Variants in ABCC6 observed in about 807,000 individuals in gnomAD.
The protein encoded by ABCC6 is ATP-binding cassette sub-family C member 6.
In ABCC6, 126 loss-of-function variants were observed where a neutral mutation model predicts 169.5. The observed-to-expected ratio is 0.74, with a 90% confidence interval of 0.64 to 0.86. The LOEUF (loss-of-function observed/expected upper bound fraction) is 0.86, where lower values mean the gene tolerates loss of function less well. ABCC6 is among the 40% of genes least tolerant of loss of function. ABCC6 has a pLI of 0.00. For missense variants in ABCC6, 1,733 were observed against 1,927.2 expected, an observed-to-expected ratio of 0.90 and a Z score of 1.89; for synonymous variants, 752 against 814.7, an observed-to-expected ratio of 0.92 and a Z score of 1.31.
At chr16:16,174,922 G>A (rs1240843208) in intron 20 of ABCC6, among the ~76,000 whole-genome samples, 1 of 150,938 alleles carries the variant, frequency 6.6e-6, no homozygotes, top group Non-Finnish European at 1.5e-5. Context: ...CACCACGCCG[G>A]CTTTTTTTTT....
intron 9 of ABCC6, among the ~76,000 whole-genome samples, chr16:16,201,645 T>G (rs1484275309): frequency 6.6e-6 from 1 of 152,082 alleles, no homozygotes; most frequent in East Asian, 1.9e-4. Context: ...CTGACCAACA[T>G]GGCAAAACCT....
chr16:16,183,148 G>A (rs914897256), intron 15 of ABCC6, among the ~76,000 whole-genome samples: 2 of 152,098 alleles, frequency 1.3e-5, no homozygotes, highest in Non-Finnish European at 2.9e-5. Flanking sequence ...ACACATGCAT[G>A]CACATTTGCA....
chr16:16,209,267 A>G (rs2048511610), intron 6 of ABCC6, among the ~76,000 whole-genome samples: 1 of 152,072 alleles, frequency 6.6e-6, no homozygotes, highest in Non-Finnish European at 1.5e-5. Context: ...TATTTTTTGT[A>G]GAGATGGAGT....
At chr16:16,165,486 C>A in intron 23 of ABCC6, 137 bp downstream of exon 23, 1 of 879,126 alleles carries the variant, frequency 1.1e-6, no homozygotes, top group Admixed American at 2.4e-5. Flanking sequence ...CTGTAGTGTC[C>A]CTGTCCCTGG....
At chr16:16,177,768 C>G in intron 18 of ABCC6, 142 bp from the exon 19 acceptor site, 3 of 972,674 alleles carry the variant, frequency 3.1e-6, no homozygotes, top group Non-Finnish European at 4.6e-6. Flanking sequence ...CACGGCTAAG[C>G]CCCATCTCTA....
At position 16,173,417 on chromosome 16, in the gene ABCC6, G is replaced by A. The variant is rs1251112685; in HGVS notation, c.2667-13C>T. ...TGACTTGATGGACCTGTCATTTAGA[G>A]GAAATGAAGACAAAGTCAGTATCTC... On this transcript the variant is annotated splice_polypyrimidine_tract_variant and intron_variant, in intron 20 of 30. Coordinates refer to ENST00000205557, the MANE Select transcript of ABCC6 (RefSeq NM_001171.6). 1 of 1,614,050 alleles carries A rather than the reference G, an allele frequency of 6.2e-7. No individual in the cohort carries two copies. The highest frequency in any genetic ancestry group is 1.1e-5 in the South Asian group (1 of 91,078).
intron 4 of ABCC6, among the ~76,000 whole-genome samples, chr16:16,214,943 T>C (rs953203654): frequency 1.3e-5 from 2 of 152,208 alleles, no homozygotes; most frequent in African/African-American, 2.4e-5. Flanking sequence ...TTTATAATAT[T>C]CTGTCTATAC....
intron 11 of ABCC6, 111 bp from the exon 12 acceptor site, chr16:16,190,478 C>G: frequency 8.2e-7 from 1 of 1,213,984 alleles, no homozygotes; most frequent in South Asian, 1.3e-5. Context: ...AACTGCGTCC[C>G]AAACCTGTCT....
At chr16:16,170,258 G>C (rs1176590338) in intron 21 of ABCC6, among the ~76,000 whole-genome samples, 1 of 151,952 alleles carries the variant, frequency 6.6e-6, no homozygotes, top group African/African-American at 2.4e-5. Context: ...GTACCACCAT[G>C]TTTTGTTAAT....
chr16:16,188,319 G>A (rs977079747), intron 13 of ABCC6, among the ~76,000 whole-genome samples: 5 of 151,964 alleles, frequency 3.3e-5, no homozygotes, highest in South Asian at 2.1e-4. Context: ...TTGAATCTGC[G>A]AGGTAGATCT....
intron 26 of ABCC6, among the ~76,000 whole-genome samples, 193 bp from the exon 27 acceptor site, chr16:16,158,002 C>G (rs2046605656): frequency 6.6e-6 from 1 of 152,150 alleles, no homozygotes; most frequent in African/African-American, 2.4e-5. Context: ...GTGGTGGCTA[C>G]TTTTAGTCTA....
In ABCC6 at chr16:16,166,001, G is replaced by A. The variant is rs60844527; in HGVS notation, c.2996-68C>T. On this transcript the variant is annotated intron_variant, in intron 22 of 30. Transcript: ENST00000205557. ...TCAGGAGCGGCCCACGGGGCCCTGCGCAGGTCTCTCCCGCTACCCCATGGT... is the reference window on the plus strand; with the variant it reads ...TCAGGAGCGGCCCACGGGGCCCTGCACAGGTCTCTCCCGCTACCCCATGGT... 1,774 of 1,511,114 alleles carry A rather than the reference G, an allele frequency of 1.2e-3. 19 individuals carry two copies. In the African/African-American group the frequency reaches 0.021, roughly 18 times the overall value. 93.6% of individuals were successfully genotyped at this position (1,511,114 alleles called of 1,614,324 possible). A position where few individuals can be genotyped will look rare whatever the true frequency, so the allele number is the denominator to read the frequency against.
chr16:16,197,464 A>C (rs2048079287), intron 10 of ABCC6, among the ~76,000 whole-genome samples: 1 of 150,764 alleles, frequency 6.6e-6, no homozygotes, highest in Non-Finnish European at 1.5e-5. Context: ...GGAGAGGAAG[A>C]AGAAAGGGAA....
chr16:16,166,027 G>A, intron 22 of ABCC6, 94 bp from the exon 23 acceptor site: 2 of 1,306,960 alleles, frequency 1.5e-6, no homozygotes, highest in Non-Finnish European at 2.1e-6. Flanking sequence ...ACCCCATGGT[G>A]GACATCTTAT....
intron 7 of ABCC6, among the ~76,000 whole-genome samples, chr16:16,204,292 G>A (rs1299860067): frequency 2.0e-5 from 3 of 152,190 alleles, no homozygotes; most frequent in Non-Finnish European, 4.4e-5. Flanking sequence ...CTGACCTGAG[G>A]TGATCTGCTC....
At chr16:16,166,033 C>T in intron 22 of ABCC6, 100 bp from the exon 23 acceptor site, 1 of 1,245,026 alleles carries the variant, frequency 8.0e-7, no homozygotes, top group African/African-American at 1.5e-5. Flanking sequence ...TGGTGGACAT[C>T]TTATGGCTTG....
chr16:16,193,584 G>T (rs569832671), intron 10 of ABCC6, among the ~76,000 whole-genome samples: 1 of 152,198 alleles, frequency 6.6e-6, no homozygotes, highest in African/African-American at 2.4e-5. Context: ...TGTGGTGGTG[G>T]GCACCTGTGA....
chr16:16,190,367 C>G lies in ABCC6; in HGVS notation c.1432G>C (p.Glu478Gln). 1 of 1,614,130 alleles carries G rather than the reference C, an allele frequency of 6.2e-7. No individual in the cohort carries two copies. The highest frequency in any genetic ancestry group is 8.5e-7 in the Non-Finnish European group (1 of 1,180,028). ...FISKKRNHHQ[E>Q]EQMRQKDSRA... ...GAGTCCTTCTGCCTCATTTGCTCCT[C>G]CTGGGATCGGAGGGAAAAAGAGAGA... The change falls in exon 12 of 31, where the codon GAG (glutamate) becomes CAG (glutamine). Residue 478 changes from glutamate (E) to glutamine (Q), a missense_variant and splice_region_variant. Transcript: ENST00000205557.
At chr16:16,194,724 T>C (rs1363322738) in intron 10 of ABCC6, among the ~76,000 whole-genome samples, 1 of 152,156 alleles carries the variant, frequency 6.6e-6, no homozygotes. Flanking sequence ...GGATTCTTGT[T>C]CTGTGACCCA....
Sources: gnomAD v4.1 joint callset for allele counts (sites outside exome capture counted in the v4.1 genomes callset) on GRCh38, gnomAD v4.1.1 for gene constraint, MANE v1.5 for transcripts, NCBI Gene and HGNC (gene_info 2026-07-23, HGNC 2026-07-21) for gene names.